RANBP2: variants seen among roughly 807,000 people sequenced by gnomAD.
RANBP2 encodes the protein E3 SUMO-protein ligase RanBP2.
In RANBP2, 57 loss-of-function variants were observed where a neutral mutation model predicts 303.6. The observed-to-expected ratio is 0.19, with a 90% CI of 0.15 to 0.23. The LOEUF is 0.23. Ranked by LOEUF, RANBP2 falls within the 10% of genes least tolerant of loss-of-function variation. The probability of loss-of-function intolerance (pLI) is 1.00; values close to 1 mark genes in which losing one functional copy is unlikely to be tolerated. For missense variants in RANBP2, 3,138 were observed against 3,780.8 expected (o/e 0.83, Z 4.46); for synonymous variants, 1,167 against 1,301.5 (o/e 0.90, Z 2.23).
At chr2:108,984,695 T>A in the RANBP2 span, among the ~76,000 whole-genome samples, 1 of 152,140 alleles carries the variant, frequency 6.6e-6, no homozygotes, top group African/African-American at 2.4e-5. Context: ...TGTTTGTTTT[T>A]TTTTCATGGC....
intron 1 of RANBP2, 85 bp from the exon 2 acceptor site, chr2:108,729,047 A>C: frequency 6.9e-7 from 1 of 1,456,914 alleles, no homozygotes; most frequent in Non-Finnish European, 9.3e-7. Flanking sequence ...TTGAACATCA[A>C]CTTAGGACAG....
At chr2:108,940,727 G>A in the RANBP2 span, among the ~76,000 whole-genome samples, 13 of 152,322 alleles carry the variant, frequency 8.5e-5, no homozygotes, top group Admixed American at 3.3e-4. Flanking sequence ...GTCTGAACGG[G>A]GCAGGCTTCC....
the RANBP2 span, among the ~76,000 whole-genome samples, chr2:109,066,477 C>T: frequency 1.3e-5 from 2 of 152,168 alleles, no homozygotes; most frequent in Admixed American, 6.5e-5. Context: ...TAACTGTTCC[C>T]CCACCAACTT....
the RANBP2 span, among the ~76,000 whole-genome samples, chr2:109,414,213 G>A: frequency 1.3e-5 from 2 of 152,284 alleles, no homozygotes; most frequent in African/African-American, 4.8e-5. Flanking sequence ...TTGGCTTCAG[G>A]ACAACGATCA....
At chr2:109,730,679 G>C in the RANBP2 span, among the ~76,000 whole-genome samples, 57 of 149,802 alleles carry the variant, frequency 3.8e-4, no homozygotes, top group African/African-American at 9.5e-4. Flanking sequence ...GCATGGTCTA[G>C]TTCTGGTGAC....
the RANBP2 span, among the ~76,000 whole-genome samples, chr2:108,841,997 A>C: frequency 1.3e-5 from 2 of 152,064 alleles, no homozygotes; most frequent in African/African-American, 4.8e-5. Context: ...ATTAGAAGTC[A>C]TAGAAGTTGG....
At chr2:109,632,100 G>C in the RANBP2 span, among the ~76,000 whole-genome samples, 1 of 152,266 alleles carries the variant, frequency 6.6e-6, no homozygotes, top group East Asian at 1.9e-4. Context: ...CTCTAGAACC[G>C]GAGGCTTCCA....
At chr2:109,534,041 CCTT>C in the RANBP2 span, among the ~76,000 whole-genome samples, 7 of 152,320 alleles carry the variant, frequency 4.6e-5, no homozygotes, top group East Asian at 5.8e-4. Context: ...CATACCCTCT[CCTT>C]CTGTCGCCCA....
At chr2:109,269,119 C>T in the RANBP2 span, among the ~76,000 whole-genome samples, 1 of 152,196 alleles carries the variant, frequency 6.6e-6, no homozygotes, top group Non-Finnish European at 1.5e-5. Context: ...GGATTTTGTG[C>T]TGAGTGGCAT....
chr2:108,814,207 G>T, the RANBP2 span, among the ~76,000 whole-genome samples: 2 of 152,148 alleles, frequency 1.3e-5, no homozygotes, highest in Non-Finnish European at 2.9e-5. Context: ...GTACAAATGG[G>T]AGTGTAATGA....
chr2:109,479,000 C>T, the RANBP2 span, among the ~76,000 whole-genome samples: 7 of 152,162 alleles, frequency 4.6e-5, no homozygotes, highest in Admixed American at 6.5e-5. Context: ...GATTTGCTGG[C>T]GGGAGCTGCA....
At chr2:109,508,613 C>T in the RANBP2 span, among the ~76,000 whole-genome samples, 2 of 151,754 alleles carry the variant, frequency 1.3e-5, no homozygotes, top group South Asian at 2.1e-4. Flanking sequence ...GAAAAAGTAA[C>T]GTTCTGTAAT....
At chr2:109,038,467 T>C in the RANBP2 span, among the ~76,000 whole-genome samples, 1 of 152,040 alleles carries the variant, frequency 6.6e-6, no homozygotes, top group African/African-American at 2.4e-5. Context: ...AACCCCATCC[T>C]GTCAAAAATA....
chr2:109,615,868 C>T, the RANBP2 span: 1 of 1,613,846 alleles, frequency 6.2e-7, no homozygotes, highest in South Asian at 1.1e-5. Context: ...GGGCGCAAAG[C>T]CTCGGGCAGC....
chr2:108,827,032 T>A, the RANBP2 span, among the ~76,000 whole-genome samples: 1 of 152,228 alleles, frequency 6.6e-6, no homozygotes, highest in Admixed American at 6.5e-5. Context: ...CTTAAATTCA[T>A]TTTTGGATTG....
chr2:108,920,247 C>T, the RANBP2 span, among the ~76,000 whole-genome samples: 1 of 152,252 alleles, frequency 6.6e-6, no homozygotes, highest in Non-Finnish European at 1.5e-5. Flanking sequence ...TCGCCCACGT[C>T]ATCACATCTT....
chr2:108,896,976 G>C, the RANBP2 span: 1 of 1,613,732 alleles, frequency 6.2e-7, no homozygotes, highest in Middle Eastern at 1.6e-4. Flanking sequence ...CTGCACACAA[G>C]GACTCCACAG....
At chr2:108,880,693 G>A in the RANBP2 span, among the ~76,000 whole-genome samples, 1 of 152,050 alleles carries the variant, frequency 6.6e-6, no homozygotes, top group African/African-American at 2.4e-5. Context: ...CAGCACATCT[G>A]TTTACAGCAT....
chr2:109,473,252 G>C, the RANBP2 span, among the ~76,000 whole-genome samples: 1 of 152,212 alleles, frequency 6.6e-6, no homozygotes, highest in African/African-American at 2.4e-5. Context: ...CGACGCCTGG[G>C]CACCACTGGG....
Sources: gnomAD v4.1 joint callset for allele counts (sites outside exome capture counted in the v4.1 genomes callset) on GRCh38, gnomAD v4.1.1 for gene constraint, MANE v1.5 for transcripts, NCBI Gene and HGNC (gene_info 2026-07-23, HGNC 2026-07-21) for gene names.